Variants in CP observed in about 807,000 individuals in gnomAD.
CP encodes the protein ceruloplasmin, also known as caeruloplasmin.
Under a neutral mutation model 122.4 loss-of-function variants are expected in CP, and 64 were observed. The ratio of observed to expected loss-of-function variants is 0.52; its 90% confidence interval spans 0.43 to 0.64. CP has a LOEUF of 0.64. Ranked by LOEUF, CP falls within the 30% of genes least tolerant of loss-of-function variation. The pLI is 0.00. For synonymous variants in CP, 440 were observed against 436.4 expected, an observed-to-expected ratio of 1.01 and a Z score of -0.10; for missense variants, 1,167 against 1,284.4, an observed-to-expected ratio of 0.91 and a Z score of 1.40.
At chr3:149,217,739 G>T in intron 1 of CP, 1 of 181,424 alleles carries the variant, frequency 5.5e-6, no homozygotes, top group East Asian at 1.8e-4. Context: ...TTGCTTCCCT[G>T]TTTTCCTAAA....
chr3:149,208,868 G>C (rs2108293790), intron 4 of CP, among the ~76,000 whole-genome samples: 1 of 152,178 alleles, frequency 6.6e-6, no homozygotes, highest in Non-Finnish European at 1.5e-5. Flanking sequence ...AATATAATAT[G>C]GTTTTAAGCA....
chr3:149,209,448 C>T, intron 3 of CP, 64 bp from the exon 4 acceptor site: 1 of 1,493,446 alleles, frequency 6.7e-7, no homozygotes, highest in Middle Eastern at 1.8e-4. Flanking sequence ...TTTATGTTTT[C>T]AGGTGATTTA....
intron 5 of CP, among the ~76,000 whole-genome samples, chr3:149,163,339 G>A (rs7636389): frequency 0.13 from 20,074 of 152,088 alleles, 1,631 homozygotes; most frequent in African/African-American, 0.23. Context: ...TGGCACTTGA[G>A]GCAGCCAGTA....
chr3:149,177,532 A>G (rs951007854), intron 17 of CP, among the ~76,000 whole-genome samples: 2 of 152,200 alleles, frequency 1.3e-5, no homozygotes, highest in East Asian at 1.9e-4. Flanking sequence ...ATCCTTCCAT[A>G]TACTTTAAAT....
At chr3:149,182,592 G>T (rs1725857401) in intron 13 of CP, among the ~76,000 whole-genome samples, 1 of 152,088 alleles carries the variant, frequency 6.6e-6, no homozygotes, top group Non-Finnish European at 1.5e-5. Flanking sequence ...GGGAGTGGGG[G>T]TCCCTGCAAT....
intron 5 of CP, chr3:149,164,084 C>T: frequency 1.7e-6 from 1 of 598,400 alleles, no homozygotes; most frequent in Non-Finnish European, 3.0e-6. Flanking sequence ...GTTAGGCATA[C>T]TCAGGAGACT....
intron 4 of CP, chr3:149,166,924 CTATTT>C (rs1373764331): frequency 1.2e-6 from 1 of 830,452 alleles, no homozygotes; most frequent in Non-Finnish European, 2.1e-6. Context: ...GGCATTCTTT[CTATTT>C]TATTTTTGGC....
At chr3:149,200,659 G>A (rs1434219143) in intron 7 of CP, among the ~76,000 whole-genome samples, 4 of 151,428 alleles carry the variant, frequency 2.6e-5, no homozygotes, top group South Asian at 2.1e-4. Context: ...TCGCCACCAC[G>A]CCATTCTCAT....
At chr3:149,206,457 C>T (rs2108288250) in intron 5 of CP, 118 bp from the exon 6 acceptor site, 1 of 1,170,710 alleles carries the variant, frequency 8.5e-7, no homozygotes, top group Non-Finnish European at 1.3e-6. Flanking sequence ...CAGATAGCAA[C>T]AGTACTATAA....
At chr3:149,219,200 T>C (rs1341293120) in intron 1 of CP, among the ~76,000 whole-genome samples, 1 of 152,196 alleles carries the variant, frequency 6.6e-6, no homozygotes, top group Non-Finnish European at 1.5e-5. Context: ...TGTAGCATAT[T>C]GTTGAAGCCA....
At chr3:149,171,301 T>C (rs560382454), downstream of CP, among the ~76,000 whole-genome samples, 28 of 152,236 alleles carry the variant, frequency 1.8e-4, no homozygotes, top group Non-Finnish European at 3.4e-4. Context: ...TATTGTTCAT[T>C]AGAACACCAT....
At chr3:149,188,509 A>C (rs1290829248) in intron 9 of CP, among the ~76,000 whole-genome samples, 2 of 150,620 alleles carry the variant, frequency 1.3e-5, no homozygotes, top group African/African-American at 4.9e-5. Flanking sequence ...AAAAAAAAAA[A>C]AAAAAAAAAA....
intron 18 of CP, among the ~76,000 whole-genome samples, chr3:149,174,218 A>G (rs1725251994): frequency 6.6e-6 from 1 of 152,214 alleles, no homozygotes; most frequent in African/African-American, 2.4e-5. Flanking sequence ...GACTTAAAAG[A>G]CATGGCAACA....
intron 14 of CP, among the ~76,000 whole-genome samples, chr3:149,181,443 A>T (rs987228716): frequency 5.3e-5 from 8 of 152,208 alleles, no homozygotes; most frequent in African/African-American, 1.9e-4. Flanking sequence ...TAAGTTATTG[A>T]GAAATAGTAT....
At chr3:149,201,303 T>C (rs1479240827) in intron 7 of CP, among the ~76,000 whole-genome samples, 2 of 151,982 alleles carry the variant, frequency 1.3e-5, no homozygotes, top group African/African-American at 4.8e-5. Context: ...TTTGTATTTT[T>C]AGTAGAGACT....
Position 149,182,063 on chromosome 3 carries a change from G to A in CP, c.2496C>T (p.Tyr832=), listed in dbSNP as rs1199272207. The part of the protein sequence containing the change: ...IIFKNMATRP[Y]SIHAHGVQTE... ...TTTGTACCCCATGGGCATGTATTGA[G>A]TAGGGCCTTGTGGCCATGTTTTTAA... The change falls in exon 14 of 19, where the codon TAC becomes TAT. Residue 832 remains tyrosine (Y), a synonymous_variant. Transcript: ENST00000264613. 1.4e-5 allele frequency: 22 copies of A among 1,607,858 alleles called. No homozygotes were observed. The highest frequency in any genetic ancestry group is 1.8e-5 in the Non-Finnish European group (21 of 1,177,726).
intron 1 of CP, among the ~76,000 whole-genome samples, chr3:149,214,511 C>T (rs1374129679): frequency 6.6e-6 from 1 of 152,148 alleles, no homozygotes; most frequent in East Asian, 1.9e-4. Flanking sequence ...GTTTCCCTGT[C>T]CATCCCCTGT....
chr3:149,211,311 G>A (rs904770788), intron 2 of CP, among the ~76,000 whole-genome samples: 1 of 152,146 alleles, frequency 6.6e-6, no homozygotes, highest in African/African-American at 2.4e-5. Flanking sequence ...TAGTTATTGA[G>A]GTATTACTAT....
At chr3:149,171,833 T>A (rs1190231034), downstream of CP, among the ~76,000 whole-genome samples, 1 of 151,672 alleles carries the variant, frequency 6.6e-6, no homozygotes, top group Non-Finnish European at 1.5e-5. Flanking sequence ...GCCTCCTGAG[T>A]AGCTAGGATT....
Sources: gnomAD v4.1 joint callset for allele counts (sites outside exome capture counted in the v4.1 genomes callset) on GRCh38, gnomAD v4.1.1 for gene constraint, MANE v1.5 for transcripts, NCBI Gene and HGNC (gene_info 2026-07-23, HGNC 2026-07-21) for gene names.